Variants in GRM7 observed in about 807,000 individuals in gnomAD.
GRM7 encodes glutamate metabotropic receptor 7.
A neutral mutation model predicts 84.5 loss-of-function variants in GRM7; 35 were observed. That is an observed-to-expected ratio of 0.41 (90% CI 0.32 to 0.55). The LOEUF is 0.55. GRM7 is among the 20% of genes least tolerant of loss of function. The pLI, the probability that GRM7 is intolerant of heterozygous loss-of-function variation, is 0.19. For synonymous variants in GRM7, 487 were observed against 455.1 expected, an observed-to-expected ratio of 1.07 and a Z score of -0.89; for missense variants, 1,003 against 1,194.6, an observed-to-expected ratio of 0.84 and a Z score of 2.36.
chr3:7,266,369 G>T (rs1406123626), intron 2 of GRM7, among the ~76,000 whole-genome samples: 1 of 152,274 alleles, frequency 6.6e-6, no homozygotes, highest in East Asian at 1.9e-4. Flanking sequence ...TACAAGAGCT[G>T]GTCCTGAAAC....
intron 9 of GRM7, 168 bp downstream of exon 9, chr3:7,680,463 C>A: frequency 1.6e-6 from 1 of 644,562 alleles, no homozygotes; most frequent in South Asian, 2.0e-5. Context: ...CTCATTCCTG[C>A]CACCATTTTC....
At chr3:6,927,483 A>AAGAAAGAAAGAT (rs1559333388) in intron 1 of GRM7, among the ~76,000 whole-genome samples, 1 of 105,110 alleles carries the variant, frequency 9.5e-6, no homozygotes. Context: ...GAAAGAAAGA[A>AAGAAAGAAAGAT]AGAAAGAAAG....
chr3:6,917,502 T>C (rs1202742087), intron 1 of GRM7, among the ~76,000 whole-genome samples: 1 of 128,430 alleles, frequency 7.8e-6, no homozygotes, highest in Admixed American at 8.3e-5. Flanking sequence ...TGCTTTTTTT[T>C]TTTTTTTTTT....
intron 1 of GRM7, among the ~76,000 whole-genome samples, chr3:7,108,117 T>C (rs772193748): frequency 1.3e-5 from 2 of 152,112 alleles, no homozygotes; most frequent in Non-Finnish European, 2.9e-5. Flanking sequence ...GAAAATGGTG[T>C]CTGTGCTATG....
At chr3:7,099,413 AT>A (rs1198380854) in intron 1 of GRM7, among the ~76,000 whole-genome samples, 9 of 148,090 alleles carry the variant, frequency 6.1e-5, no homozygotes, top group East Asian at 2.2e-4. Flanking sequence ...CATAATACAT[AT>A]TATGCATGTA....
intron 2 of GRM7, among the ~76,000 whole-genome samples, chr3:7,175,378 G>T (rs1300735178): frequency 6.6e-6 from 1 of 152,110 alleles, no homozygotes; most frequent in Non-Finnish European, 1.5e-5. Flanking sequence ...TTTAAGATTG[G>T]CTGACTCCAT....
At chr3:7,033,546 T>C (rs1401392167) in intron 1 of GRM7, among the ~76,000 whole-genome samples, 2 of 152,222 alleles carry the variant, frequency 1.3e-5, no homozygotes, top group Non-Finnish European at 2.9e-5. Context: ...TTCATTCTTC[T>C]TGAAACCTAC....
chr3:6,902,878 CA>C (rs1696440851), intron 1 of GRM7, among the ~76,000 whole-genome samples: 1 of 151,698 alleles, frequency 6.6e-6, no homozygotes, highest in East Asian at 1.9e-4. Context: ...CACACACACA[CA>C]CACCCCTACT....
intron 2 of GRM7, among the ~76,000 whole-genome samples, chr3:7,210,141 C>A (rs574545767): frequency 6.6e-5 from 10 of 152,280 alleles, no homozygotes; most frequent in Middle Eastern, 3.4e-3. Flanking sequence ...ACTATTGCCA[C>A]ATTCTTCATG....
At chr3:7,235,511 A>C (rs1697322041) in intron 2 of GRM7, among the ~76,000 whole-genome samples, 1 of 152,104 alleles carries the variant, frequency 6.6e-6, no homozygotes, top group South Asian at 2.1e-4. Context: ...CTTGTCTCCA[A>C]ACTTTAAGGA....
At chr3:6,873,784 C>A (rs1214865936) in intron 1 of GRM7, among the ~76,000 whole-genome samples, 1 of 152,156 alleles carries the variant, frequency 6.6e-6, no homozygotes, top group Non-Finnish European at 1.5e-5. Flanking sequence ...GGTATCTGAC[C>A]CCTAGTCATC....
At chr3:7,377,920 T>C (rs72622201) in intron 4 of GRM7, among the ~76,000 whole-genome samples, 6,703 of 152,280 alleles carry the variant, frequency 0.044, 245 homozygotes, top group East Asian at 0.14. Context: ...GATCTTTCCA[T>C]GTATCTGTGG....
chr3:6,927,296 T>C (rs147867965), intron 1 of GRM7, among the ~76,000 whole-genome samples: 11,146 of 151,828 alleles, frequency 0.073, 564 homozygotes, highest in Non-Finnish European at 0.11. Context: ...GGCATGGTGG[T>C]GCATGCTTGT....
intron 2 of GRM7, among the ~76,000 whole-genome samples, chr3:7,162,451 A>G (rs1284775565): frequency 6.6e-6 from 1 of 152,124 alleles, no homozygotes; most frequent in African/African-American, 2.4e-5. Context: ...AGGTCCAGTG[A>G]GGCCTGAGAA....
At chr3:7,127,535 CA>C (rs1693442711) in intron 1 of GRM7, among the ~76,000 whole-genome samples, 1 of 152,114 alleles carries the variant, frequency 6.6e-6, no homozygotes, top group Non-Finnish European at 1.5e-5. Flanking sequence ...TATTCTTTAG[CA>C]AAGCTTCTAG....
At chr3:7,651,878 C>T (rs894199735) in intron 8 of GRM7, among the ~76,000 whole-genome samples, 5 of 152,168 alleles carry the variant, frequency 3.3e-5, no homozygotes, top group Non-Finnish European at 7.3e-5. Flanking sequence ...TCTTCCTTCC[C>T]CCAGCCAAGC....
intron 1 of GRM7, among the ~76,000 whole-genome samples, chr3:6,927,624 A>AT (rs1297729984): frequency 6.6e-6 from 1 of 152,060 alleles, no homozygotes; most frequent in Non-Finnish European, 1.5e-5. Flanking sequence ...CATCATTGCT[A>AT]TTTTTTCCAC....
At chr3:7,651,209 C>G (rs1299192207) in intron 8 of GRM7, among the ~76,000 whole-genome samples, 1 of 134,976 alleles carries the variant, frequency 7.4e-6, no homozygotes, top group Non-Finnish European at 1.7e-5. Flanking sequence ...AAGCTGTGGA[C>G]CTTATCCTGG....
intron 1 of GRM7, among the ~76,000 whole-genome samples, chr3:7,081,991 T>C (rs1698289489): frequency 3.9e-5 from 6 of 152,152 alleles, no homozygotes; most frequent in Admixed American, 3.3e-4. Context: ...AAAAATGCAT[T>C]GCCATCACAT....
Sources: gnomAD v4.1 joint callset for allele counts (sites outside exome capture counted in the v4.1 genomes callset) on GRCh38, gnomAD v4.1.1 for gene constraint, MANE v1.5 for transcripts, NCBI Gene and HGNC (gene_info 2026-07-23, HGNC 2026-07-21) for gene names.